MCU: variants seen among roughly 807,000 people sequenced by gnomAD.
The protein encoded by MCU is mitochondrial calcium uniporter.
MCU carries 12 observed loss-of-function variants against 45.2 expected under a neutral mutation model. The observed-to-expected ratio is 0.27, with a 90% CI of 0.17 to 0.43. MCU has a LOEUF of 0.43. MCU is among the 20% of genes least tolerant of loss of function. The pLI, the probability that MCU is intolerant of heterozygous loss-of-function variation, is 1.00. For synonymous variants in MCU, 160 were observed against 165.1 expected, an observed-to-expected ratio of 0.97 and a Z score of 0.24; for missense variants, 324 against 436.7, an observed-to-expected ratio of 0.74 and a Z score of 2.30.
intron 1 of MCU, among the ~76,000 whole-genome samples, chr10:72,821,947 C>T (rs767723161): frequency 1.5e-4 from 23 of 152,150 alleles, no homozygotes; most frequent in Non-Finnish European, 3.1e-4. Context: ...TACATTTTCA[C>T]TGGAAAATCT....
At chr10:72,789,768 ATATC>A (rs1345027867) in intron 1 of MCU, among the ~76,000 whole-genome samples, 1 of 152,172 alleles carries the variant, frequency 6.6e-6, no homozygotes, top group Non-Finnish European at 1.5e-5. Flanking sequence ...AAGACTATCA[ATATC>A]TTAATCTTTG....
At chr10:72,756,116 G>A (rs551944077) in intron 1 of MCU, among the ~76,000 whole-genome samples, 66 of 152,188 alleles carry the variant, frequency 4.3e-4, no homozygotes, top group African/African-American at 1.6e-3. Context: ...CTTCCAAAGT[G>A]CTGGGATTAC....
intron 4 of MCU, chr10:72,861,677 A>AG (rs1845379079): frequency 3.6e-6 from 1 of 278,098 alleles, no homozygotes; most frequent in African/African-American, 3.6e-5. Flanking sequence ...TTTTTTTTTT[A>AG]GTAGAGATGG....
chr10:72,693,690 C>G (rs1245387750), intron 1 of MCU, among the ~76,000 whole-genome samples: 1 of 152,200 alleles, frequency 6.6e-6, no homozygotes, highest in Non-Finnish European at 1.5e-5. Context: ...ATTTGGCATA[C>G]TGGCATATTG....
chr10:72,762,658 A>G (rs1843671332), intron 1 of MCU, among the ~76,000 whole-genome samples: 1 of 152,178 alleles, frequency 6.6e-6, no homozygotes, highest in Non-Finnish European at 1.5e-5. Context: ...GTTCTAAAAT[A>G]CTATTGAGCA....
intron 1 of MCU, among the ~76,000 whole-genome samples, chr10:72,795,185 CAT>C (rs1028948206): frequency 3.3e-5 from 5 of 152,058 alleles, no homozygotes; most frequent in Non-Finnish European, 5.9e-5. Context: ...TCCACATTAC[CAT>C]AGGTGACTAT....
chr10:72,779,120 C>T (rs963044025), intron 1 of MCU, among the ~76,000 whole-genome samples: 1 of 152,104 alleles, frequency 6.6e-6, no homozygotes, highest in Admixed American at 6.5e-5. Flanking sequence ...CAGGCACGTG[C>T]CACCATGCCC....
chr10:72,732,562 A>G (rs1270161715), intron 1 of MCU, among the ~76,000 whole-genome samples: 3 of 152,240 alleles, frequency 2.0e-5, no homozygotes, highest in Non-Finnish European at 4.4e-5. Flanking sequence ...GGTGAACCGA[A>G]TTAAAGCTCT....
At chr10:72,829,322 C>CAA (rs34102458) in intron 1 of MCU, among the ~76,000 whole-genome samples, 5 of 116,676 alleles carry the variant, frequency 4.3e-5, no homozygotes, top group South Asian at 2.8e-4. Flanking sequence ...GACACTGTCT[C>CAA]AAAAAAAAAA....
intron 1 of MCU, among the ~76,000 whole-genome samples, chr10:72,751,631 C>T (rs565297795): frequency 3.3e-5 from 5 of 151,826 alleles, no homozygotes; most frequent in African/African-American, 7.3e-5. Flanking sequence ...GCTGGGATTA[C>T]GGGTGTGAGC....
chr10:72,812,842 G>A (rs965475196), intron 1 of MCU, among the ~76,000 whole-genome samples: 5 of 152,168 alleles, frequency 3.3e-5, no homozygotes, highest in Non-Finnish European at 5.9e-5. Context: ...CCTGTGGGAG[G>A]TTGGTGGAGA....
chr10:72,850,692 G>A (rs543751716), intron 2 of MCU, among the ~76,000 whole-genome samples: 15 of 152,068 alleles, frequency 9.9e-5, no homozygotes, highest in Middle Eastern at 6.8e-3. Context: ...GCACAATTCC[G>A]CATCTTTTGG....
intron 1 of MCU, among the ~76,000 whole-genome samples, chr10:72,815,401 G>A (rs1844609809): frequency 6.6e-6 from 1 of 152,192 alleles, no homozygotes; most frequent in African/African-American, 2.4e-5. Flanking sequence ...AATCAAAGAT[G>A]ACTACCCTGT....
chr10:72,693,542 C>T (rs954732234), intron 1 of MCU, among the ~76,000 whole-genome samples: 4 of 152,072 alleles, frequency 2.6e-5, no homozygotes, highest in African/African-American at 9.7e-5. Context: ...CTCCTAAGGC[C>T]AATGACAGCA....
At chr10:72,797,935 T>A (rs1717459321) in intron 1 of MCU, among the ~76,000 whole-genome samples, 1 of 152,198 alleles carries the variant, frequency 6.6e-6, no homozygotes, top group Non-Finnish European at 1.5e-5. Context: ...GAATCATACC[T>A]CTTAGGGGGC....
At chr10:72,712,142 CTG>C (rs1246150211) in intron 1 of MCU, among the ~76,000 whole-genome samples, 13 of 152,182 alleles carry the variant, frequency 8.5e-5, no homozygotes, top group Non-Finnish European at 1.5e-4. Context: ...ATTTAAACCT[CTG>C]TTAACTGACA....
intron 6 of MCU, among the ~76,000 whole-genome samples, chr10:72,883,922 A>C (rs938587568): frequency 2.0e-5 from 3 of 152,214 alleles, no homozygotes; most frequent in African/African-American, 7.2e-5. Context: ...GAAAATAAGA[A>C]AACAATTACC....
intron 1 of MCU, among the ~76,000 whole-genome samples, chr10:72,795,738 G>T (rs1021419302): frequency 6.6e-6 from 1 of 152,250 alleles, no homozygotes; most frequent in South Asian, 2.1e-4. Context: ...AGTGGCTTAT[G>T]CCTGTAATCC....
At chr10:72,858,186 A>G (rs117521410) in intron 2 of MCU, among the ~76,000 whole-genome samples, 2 of 152,194 alleles carry the variant, frequency 1.3e-5, no homozygotes, top group South Asian at 2.1e-4. Context: ...GGCCAAATAT[A>G]CATACTCAGT....
Sources: allele counts gnomAD v4.1 joint callset (sites outside exome capture counted in the v4.1 genomes callset), GRCh38; gene constraint gnomAD v4.1.1; transcripts MANE v1.5; gene names NCBI Gene and HGNC (gene_info 2026-07-23, HGNC 2026-07-21).